Variants in FAT4 observed in about 807,000 individuals in gnomAD.
FAT4 encodes the protein protocadherin Fat 4.
Under a neutral mutation model 303.9 loss-of-function variants are expected in FAT4, and 84 were observed. The ratio of observed to expected loss-of-function variants is 0.28; its 90% CI spans 0.23 to 0.33. The LOEUF is 0.33. Ranked by LOEUF, FAT4 falls within the 10% of genes least tolerant of loss-of-function variation. The pLI, the probability that FAT4 is intolerant of heterozygous loss-of-function variation, is 1.00. For synonymous variants in FAT4, 2,307 were observed against 2,298.8 expected (o/e 1.00, Z -0.10); for missense variants, 6,005 against 6,146.8 (o/e 0.98, Z 0.77).
intron 2 of FAT4, among the ~76,000 whole-genome samples, chr4:125,328,715 A>G (rs536750167): frequency 2.6e-5 from 4 of 152,282 alleles, no homozygotes; most frequent in East Asian, 1.9e-4. Flanking sequence ...TGCCTTTGCA[A>G]TGGTTCTGGA....
At chr4:125,474,469 A>T (rs1000924815) in intron 12 of FAT4, among the ~76,000 whole-genome samples, 5 of 152,044 alleles carry the variant, frequency 3.3e-5, no homozygotes, top group Admixed American at 3.3e-4. Flanking sequence ...ATGGGGCATG[A>T]ATGACTTGCC....
rs561616799 is a variant in FAT4, at chr4:125,451,281, A to T, written c.10271A>T (p.His3424Leu). Reference protein sequence around the residue: ...QISEGVPIGTHVTFVSAFDSD... With the variant: ...QISEGVPIGTLVTFVSAFDSD... Reference sequence around the variant, plus strand: ...AGTGAAGGGGTCCCAATAGGAACTCATGTGACCTTTGTCAGTGCCTTTGAC... The same window carrying T: ...AGTGAAGGGGTCCCAATAGGAACTCTTGTGACCTTTGTCAGTGCCTTTGAC... Residue 3424 changes from histidine to leucine, a missense_variant, in exon 10 of 18, where the codon CAT becomes CTT. His to Leu is a moderately conservative substitution (Grantham distance 99). Coordinates refer to ENST00000394329, the MANE Select transcript of FAT4 (RefSeq NM_001291303.3). 6.2e-7 allele frequency: 1 copy of T among 1,614,130 alleles called. No homozygotes were observed. Among genetic ancestry groups the T allele is most frequent in the Non-Finnish European group, 8.5e-7 (1 of 1,180,012 alleles).
rs762338090 is a variant in FAT4 at position 125,415,798 on chromosome 4, A to G, written c.6835A>G (p.Ile2279Val). ...GAATTTAGGGACACTACCCAGAACA[A>G]TTCTTCAGGTCAGTATATTTAAATA... ...PENLGTLPRT[I>V]LQVVARDDDR... The change falls in exon 6 of 18, where the codon ATT becomes GTT. Residue 2279 changes from isoleucine to valine, a missense_variant. Coordinates refer to ENST00000394329, the MANE Select transcript of FAT4 (RefSeq NM_001291303.3). The G allele has an allele frequency of 6.2e-7, 1 of 1,607,096 alleles. No individual in the cohort carries two copies. The highest frequency in any genetic ancestry group is 1.7e-5 in the Admixed American group (1 of 59,468).
At chr4:125,444,416 A>G in intron 8 of FAT4, among the ~76,000 whole-genome samples, 1 of 152,172 alleles carries the variant, frequency 6.6e-6, no homozygotes, top group East Asian at 1.9e-4. Flanking sequence ...CACTTCCGTG[A>G]TAATGGCATT....
intron 13 of FAT4, 113 bp from the exon 14 acceptor site, chr4:125,477,042 C>T: frequency 1.3e-6 from 1 of 758,188 alleles, no homozygotes; most frequent in Non-Finnish European, 1.8e-6. Flanking sequence ...TGAAATTTAT[C>T]ACACTATAAT....
At chr4:125,366,529 G>A (rs867401978) in intron 2 of FAT4, among the ~76,000 whole-genome samples, 17 of 152,068 alleles carry the variant, frequency 1.1e-4, no homozygotes, top group South Asian at 8.3e-4. Context: ...TTGATTCCAC[G>A]TCTTTGCCAT....
rs931808773 is a variant in FAT4 at position 125,319,940 on chromosome 4, T to A, written c.3529T>A (p.Phe1177Ile). 6.2e-7 allele frequency: 1 copy of A among 1,613,542 alleles called. No homozygotes were observed. The highest frequency in any genetic ancestry group is 1.3e-5 in the African/African-American group (1 of 74,926). ...MRRRGTAVFS[F>I]TVIATDQGIP... Reference sequence around the variant, plus strand: ...GCGGAGAGGGACTGCTGTGTTTAGCTTTACAGTCATAGCAACAGATCAGGG... The same window carrying A: ...GCGGAGAGGGACTGCTGTGTTTAGCATTACAGTCATAGCAACAGATCAGGG... Residue 1177 changes from phenylalanine to isoleucine, a missense_variant, in exon 2 of 18, where the codon TTT becomes ATT. Transcript: ENST00000394329.
chr4:125,379,395 G>A (rs1332629595), intron 2 of FAT4, among the ~76,000 whole-genome samples: 1 of 151,958 alleles, frequency 6.6e-6, no homozygotes, highest in Non-Finnish European at 1.5e-5. Flanking sequence ...TTCATTGGTT[G>A]CCTTGGAGAG....
chr4:125,374,584 G>C (rs1733244364), intron 2 of FAT4, among the ~76,000 whole-genome samples: 1 of 152,142 alleles, frequency 6.6e-6, no homozygotes, highest in African/African-American at 2.4e-5. Flanking sequence ...TAATTCACAT[G>C]CCACAAAGTT....
chr4:125,350,504 C>G (rs781128432), intron 2 of FAT4, among the ~76,000 whole-genome samples: 5 of 151,626 alleles, frequency 3.3e-5, no homozygotes, highest in Non-Finnish European at 7.4e-5. Context: ...CCAGTTTGGT[C>G]TTTGTAAGGA....
intron 7 of FAT4, among the ~76,000 whole-genome samples, chr4:125,424,219 T>A (rs561350731): frequency 2.2e-4 from 33 of 152,268 alleles, no homozygotes; most frequent in African/African-American, 7.7e-4. Context: ...GAATTGTAGT[T>A]CCCTTAATCC....
intron 12 of FAT4, among the ~76,000 whole-genome samples, chr4:125,472,415 A>C (rs1726895237): frequency 6.6e-6 from 1 of 152,174 alleles, no homozygotes; most frequent in African/African-American, 2.4e-5. Flanking sequence ...TAATATTTAA[A>C]ATGTTTTTAA....
At chr4:125,375,700 T>C (rs140999627) in intron 2 of FAT4, among the ~76,000 whole-genome samples, 40 of 152,358 alleles carry the variant, frequency 2.6e-4, no homozygotes, top group Non-Finnish European at 5.1e-4. Context: ...ACTTTTGATG[T>C]CATCCGTAAA....
At chr4:125,327,316 T>C (rs770157486) in intron 2 of FAT4, among the ~76,000 whole-genome samples, 2 of 152,106 alleles carry the variant, frequency 1.3e-5, no homozygotes, top group African/African-American at 4.8e-5. Flanking sequence ...TTTAAGAAGG[T>C]GGAGAATTAT....
intron 7 of FAT4, among the ~76,000 whole-genome samples, chr4:125,431,647 A>G (rs1310421900): frequency 6.6e-6 from 1 of 152,186 alleles, no homozygotes; most frequent in Non-Finnish European, 1.5e-5. Flanking sequence ...CCTTTGGGGT[A>G]GAGTCTATTA....
Position 125,343,614 on chromosome 4 carries a change from A to G in FAT4, c.5175+22028A>G, listed in dbSNP as rs139556598. On this transcript the variant is annotated intron_variant, in intron 2 of 17. Coordinates refer to ENST00000394329, the MANE Select transcript of FAT4 (RefSeq NM_001291303.3). Reference sequence around the variant, plus strand: ...CTCTGAGTTCGAGTATTGACTACCTACTATGTGAAGAACTTTACTGCTCAA... The same window carrying G: ...CTCTGAGTTCGAGTATTGACTACCTGCTATGTGAAGAACTTTACTGCTCAA... Among the ~76,000 whole-genome samples, 492 of 152,284 alleles carry G rather than the reference A, an allele frequency of 3.2e-3. 9 individuals are homozygous for G. In the East Asian group the frequency reaches 0.04, roughly 12 times the overall value.
chr4:125,387,855 T>C (rs1733814817), intron 2 of FAT4, among the ~76,000 whole-genome samples: 1 of 152,206 alleles, frequency 6.6e-6, no homozygotes, highest in African/African-American at 2.4e-5. Context: ...AATGAATTCA[T>C]TGTTTTGGCT....
chr4:125,452,525 A>T lies in FAT4; in HGVS notation c.11515A>T (p.Ile3839Phe). The T allele has an allele frequency of 2.5e-6, 4 of 1,614,134 alleles. No individual in the cohort carries two copies. Among genetic ancestry groups the T allele is most frequent in the Non-Finnish European group, 3.4e-6 (4 of 1,180,034 alleles). ...LKSRESLPVI[I>F]VANEPLQPFL... ...AAGCCGTGAGAGTCTTCCAGTCATC[A>T]TCGTGGCAAATGAACCTCTGCAGCC... The change falls in exon 10 of 18, where the codon ATC becomes TTC. Residue 3839 changes from isoleucine to phenylalanine, a missense_variant. By Grantham distance (21) the Ile-to-Phe change is conservative. Coordinates refer to ENST00000394329, the MANE Select transcript of FAT4 (RefSeq NM_001291303.3).
intron 7 of FAT4, among the ~76,000 whole-genome samples, chr4:125,418,392 A>G (rs1578621616): frequency 6.6e-6 from 1 of 152,126 alleles, no homozygotes; most frequent in East Asian, 1.9e-4. Flanking sequence ...GGGAGAAAAC[A>G]TTACCATTTA....
Sources: allele counts gnomAD v4.1 joint callset (sites outside exome capture counted in the v4.1 genomes callset), GRCh38; gene constraint gnomAD v4.1.1; transcripts MANE v1.5; gene names NCBI Gene and HGNC (gene_info 2026-07-23, HGNC 2026-07-21).